Variants in SLC24A2 observed in about 807,000 individuals in gnomAD.
SLC24A2 encodes the protein sodium/potassium/calcium exchanger 2.
A neutral mutation model predicts 62.0 loss-of-function variants in SLC24A2; 36 were observed. The ratio of observed to expected loss-of-function variants is 0.58; its 90% confidence interval spans 0.44 to 0.77. SLC24A2 has a LOEUF of 0.77. Among genes scored for constraint, SLC24A2 ranks in the 30% least tolerant of loss-of-function variants. SLC24A2 has a pLI of 0.00. For missense variants in SLC24A2, 846 were observed against 817.9 expected (o/e 1.03, Z -0.42); for synonymous variants, 358 against 294.0 (o/e 1.22, Z -2.23).
the SLC24A2 span, among the ~76,000 whole-genome samples, chr9:20,040,691 G>A: frequency 6.6e-6 from 1 of 152,184 alleles, no homozygotes; most frequent in Non-Finnish European, 1.5e-5. Context: ...AGAACTAGCT[G>A]GGATTGCCCA....
At chr9:20,214,148 A>G in the SLC24A2 span, among the ~76,000 whole-genome samples, 2 of 152,330 alleles carry the variant, frequency 1.3e-5, no homozygotes, top group South Asian at 4.1e-4. Context: ...TACTATGAAT[A>G]GTGCTTCAAT....
the SLC24A2 span, among the ~76,000 whole-genome samples, chr9:19,910,817 T>C: frequency 4.6e-5 from 7 of 152,110 alleles, no homozygotes; most frequent in Non-Finnish European, 8.8e-5. Flanking sequence ...TCTTCCTCTA[T>C]GCGTCCATAG....
chr9:19,830,965 C>A, the SLC24A2 span, among the ~76,000 whole-genome samples: 384 of 152,254 alleles, frequency 2.5e-3, 2 homozygotes, highest in African/African-American at 8.6e-3. Context: ...TTCTCTGCTT[C>A]CAAGAGGGTG....
At chr9:19,993,872 A>C in the SLC24A2 span, among the ~76,000 whole-genome samples, 3 of 152,210 alleles carry the variant, frequency 2.0e-5, no homozygotes, top group African/African-American at 7.2e-5. Context: ...ATTAATGCCC[A>C]TGGTGAAAAC....
At chr9:19,653,103 C>T (rs974818702) in intron 2 of SLC24A2, among the ~76,000 whole-genome samples, 1 of 152,200 alleles carries the variant, frequency 6.6e-6, no homozygotes, top group African/African-American at 2.4e-5. Flanking sequence ...ACTGCTCACC[C>T]CCCAAACTTG....
At chr9:19,981,964 G>T in the SLC24A2 span, among the ~76,000 whole-genome samples, 1 of 152,164 alleles carries the variant, frequency 6.6e-6, no homozygotes, top group Non-Finnish European at 1.5e-5. Context: ...ATCAGTGGAG[G>T]AGGGAGAACA....
intron 2 of SLC24A2, among the ~76,000 whole-genome samples, chr9:19,669,938 C>CCA (rs1292039303): frequency 6.6e-6 from 1 of 152,188 alleles, no homozygotes; most frequent in Non-Finnish European, 1.5e-5. Context: ...CACAGTGCCC[C>CCA]CACATTGGAG....
chr9:20,270,246 G>A, the SLC24A2 span, among the ~76,000 whole-genome samples: 1 of 152,222 alleles, frequency 6.6e-6, no homozygotes, highest in South Asian at 2.1e-4. Flanking sequence ...CCACACTGGG[G>A]AATCAAATTT....
At chr9:19,926,477 T>G in the SLC24A2 span, 3 of 152,388 alleles carry the variant, frequency 2.0e-5, no homozygotes, top group Admixed American at 2.0e-4. Context: ...CCCAGTTCTT[T>G]GCAAATGTCA....
Position 19,632,261 on chromosome 9 carries a change from A to G in SLC24A2, c.931-9962T>C, listed in dbSNP as rs577408937. 2.0e-5 allele frequency among the ~76,000 whole-genome samples: 3 copies of G among 152,288 alleles called. No individual in the cohort carries two copies. The highest frequency in any genetic ancestry group is 2.0e-4 in the Admixed American group (3 of 15,294). The stretch of plus-strand genomic sequence containing the variant: ...GGGAGTCCAGGCAAATTGTCATTTT[A>G]TCTATGCCTACCTGGGATGTTACCA... On this transcript the variant is annotated intron_variant, in intron 2 of 10. Coordinates refer to ENST00000341998, the MANE Select transcript of SLC24A2 (RefSeq NM_020344.4). The surrounding 1 kb of genome is among the most constrained non-coding windows in gnomAD (Gnocchi z 4.5).
the SLC24A2 span, among the ~76,000 whole-genome samples, chr9:20,206,317 G>A: frequency 6.6e-6 from 1 of 152,198 alleles, no homozygotes; most frequent in African/African-American, 2.4e-5. Context: ...ACAGGAGAGT[G>A]AATGCAGAAG....
chr9:20,156,060 C>T, the SLC24A2 span, among the ~76,000 whole-genome samples: 2 of 151,676 alleles, frequency 1.3e-5, no homozygotes, highest in Admixed American at 6.6e-5. Context: ...ACAAGTTTTT[C>T]TGAATTCCCT....
chr9:20,271,941 T>C, the SLC24A2 span, among the ~76,000 whole-genome samples: 12 of 152,082 alleles, frequency 7.9e-5, no homozygotes, highest in South Asian at 2.3e-3. Context: ...GAGGAAAACA[T>C]GATCAGCCTG....
chr9:19,580,963 T>C (rs1836187877), intron 5 of SLC24A2, among the ~76,000 whole-genome samples: 1 of 152,174 alleles, frequency 6.6e-6, no homozygotes, highest in Admixed American at 6.5e-5. Context: ...TGCAGGGGTC[T>C]TCTGTGAGAA....
chr9:19,695,858 A>C (rs1235413426), intron 2 of SLC24A2, among the ~76,000 whole-genome samples: 1 of 152,276 alleles, frequency 6.6e-6, no homozygotes, highest in African/African-American at 2.4e-5. Context: ...GACTTAAGGA[A>C]AGCAAATTAC....
At chr9:19,966,696 A>G in the SLC24A2 span, among the ~76,000 whole-genome samples, 629 of 152,320 alleles carry the variant, frequency 4.1e-3, 2 homozygotes, top group Middle Eastern at 0.014. Context: ...GGAAAAATCA[A>G]TACAGGAAAG....
intron 5 of SLC24A2, among the ~76,000 whole-genome samples, chr9:19,592,002 A>G (rs1220631048): frequency 6.6e-6 from 1 of 152,258 alleles, no homozygotes; most frequent in African/African-American, 2.4e-5. Context: ...CTGGGCAATG[A>G]AAAACATTGC....
rs751286555 is a variant in SLC24A2 at position 19,594,982 on chromosome 9, T to A, written c.1129+2247A>T. Among the ~76,000 whole-genome samples the A allele has an allele frequency of 9.2e-5, 14 of 152,322 alleles. No homozygotes were observed. In the South Asian group the frequency reaches 1.2e-3, roughly 14 times the overall value. Reference sequence around the variant, plus strand: ...ACATGGCTGGATGGACAGCTGCTATTCCAAAATATTCTTTTTTCTAGTACT... The same window carrying A: ...ACATGGCTGGATGGACAGCTGCTATACCAAAATATTCTTTTTTCTAGTACT... On this transcript the variant is annotated intron_variant, in intron 5 of 10. Transcript: ENST00000341998.
At chr9:19,686,482 C>T (rs1201136251) in intron 2 of SLC24A2, among the ~76,000 whole-genome samples, 1 of 152,104 alleles carries the variant, frequency 6.6e-6, no homozygotes, top group Non-Finnish European at 1.5e-5. Flanking sequence ...TATGTCCCCA[C>T]CCAAATCTCA....
Sources: gnomAD v4.1 joint callset for allele counts (sites outside exome capture counted in the v4.1 genomes callset) on GRCh38, gnomAD v4.1.1 for gene constraint, Gnocchi (gnomAD v3.1) non-coding constraint, MANE v1.5 for transcripts, NCBI Gene and HGNC (gene_info 2026-07-23, HGNC 2026-07-21) for gene names.